HSCB: variants seen among roughly 807,000 people sequenced by gnomAD.
The protein encoded by HSCB is iron-sulfur cluster co-chaperone protein HscB.
Under a neutral mutation model 31.3 loss-of-function variants are expected in HSCB, and 23 were observed. The ratio of observed to expected loss-of-function variants is 0.74; its 90% CI spans 0.53 to 1.04. HSCB has a LOEUF of 1.04. Among genes scored for constraint, HSCB ranks in the 50% least tolerant of loss-of-function variants. The pLI is 0.00. For synonymous variants in HSCB, 110 were observed against 104.5 expected (o/e 1.05, Z -0.32); for missense variants, 297 against 288.1 (o/e 1.03, Z -0.22).
Position 28,745,977 on chromosome 22 carries a change from TG to T in HSCB, c.538del (p.Ala180ProfsTer2). On this transcript the variant is annotated frameshift_variant, in exon 4 of 6. Coordinates refer to ENST00000216027, the MANE Select transcript of HSCB (RefSeq NM_172002.5). LOFTEE classifies it high-confidence loss of function. ...EKLAEAESEAAMKEIESIVKA... is the reference protein window; with the variant it reads ...EKLAEAESEAXMKEIESIVKA... ...AACTCGCAGAAGCTGAAAGTGAAGC[TG>T]CCATGAAAGAGATTGAATCCATTGT... 1 of 1,613,492 alleles carries T rather than the reference TG, an allele frequency of 6.2e-7. No individual in the cohort carries two copies. Among genetic ancestry groups the T allele is most frequent in the Non-Finnish European group, 8.5e-7 (1 of 1,179,844 alleles).
At chr22:28,748,512 GTTGTT>G (rs1293811476) in intron 4 of HSCB, among the ~76,000 whole-genome samples, 2 of 150,512 alleles carry the variant, frequency 1.3e-5, no homozygotes, top group Non-Finnish European at 3.0e-5. Flanking sequence ...GTTTTTTTTT[GTTGTT>G]TTGTTTTGTT....
Position 28,750,203 on chromosome 22 carries a change from C to T in HSCB, c.569-1038C>T, listed in dbSNP as rs542057443. ...GGTGGAGGTTGCAGTGAGCCGAGAT[C>T]GCACCATTGCACTACAGCCTGGGCA... is the stretch of plus-strand genomic sequence containing the variant. On this transcript the variant is annotated intron_variant, in intron 4 of 5. Transcript: ENST00000216027. 8.0e-5 allele frequency among the ~76,000 whole-genome samples: 11 copies of T among 137,172 alleles called. No homozygotes were observed. The South Asian group carries it at 2.5e-3, about 31-fold the overall frequency. 90.0% of individuals were successfully genotyped at this position (137,172 alleles called of 152,430 possible). A position where few individuals can be genotyped will look rare whatever the true frequency, so the allele number is the denominator to read the frequency against.
rs1485321355 is a variant in HSCB at position 28,743,898 on chromosome 22, G to C, written c.253G>C (p.Val85Leu). Residue 85 changes from valine (V) to leucine (L), a missense_variant, in exon 2 of 6, where the codon GTT becomes CTT. Val to Leu is a conservative substitution (Grantham distance 32). Coordinates refer to ENST00000216027, the MANE Select transcript of HSCB (RefSeq NM_172002.5). ...TCCTTCCAGCAACCGTTCCTTCAGA[G>C]TTGATACAGCGAAGCTCCAGCACAG... is the stretch of plus-strand genomic sequence containing the variant. ...SLMDCNRSFR[V>L]DTAKLQHRYQ... 6.2e-7 allele frequency: 1 copy of C among 1,613,948 alleles called. No individual in the cohort carries two copies. Among genetic ancestry groups the C allele is most frequent in the Non-Finnish European group, 8.5e-7 (1 of 1,179,976 alleles).
Position 28,742,180 on chromosome 22 carries a change from G to A in HSCB, c.85G>A (p.Asp29Asn), listed in dbSNP as rs773726014. Residue 29 changes from aspartate to asparagine, a missense_variant, in exon 1 of 6, where the codon GAT becomes AAT. Transcript: ENST00000216027. ...GVPRRRPLSC[D>N]AASQAGSNYP... ...TCCCAGAAGGAGACCGCTAAGCTGC[G>A]ATGCTGCGTCGCAGGCGGGAAGCAA... The A allele has an allele frequency of 6.2e-7, 1 of 1,613,930 alleles. No homozygotes were observed. The highest frequency in any genetic ancestry group is 1.1e-5 in the South Asian group (1 of 91,054).
intron 5 of HSCB, among the ~76,000 whole-genome samples, chr22:28,752,799 G>A (rs1344741999): frequency 1.3e-5 from 2 of 151,932 alleles, no homozygotes; most frequent in African/African-American, 2.4e-5. Flanking sequence ...AGAATTGATT[G>A]GCTAGGCGTG....
intron 5 of HSCB, among the ~76,000 whole-genome samples, chr22:28,756,262 A>T (rs2030591468): frequency 6.6e-6 from 1 of 151,840 alleles, no homozygotes; most frequent in Non-Finnish European, 1.5e-5. Context: ...AAAAAAAAAA[A>T]AAGGAAAATC....
intron 1 of HSCB, among the ~76,000 whole-genome samples, chr22:28,742,887 CT>C (rs1244993986): frequency 6.6e-6 from 1 of 151,924 alleles, no homozygotes; most frequent in African/African-American, 2.4e-5. Flanking sequence ...GTTTTTCCCC[CT>C]GAGACTGAGG....
intron 4 of HSCB, among the ~76,000 whole-genome samples, chr22:28,748,619 TCTC>T (rs1224564095): frequency 1.3e-5 from 2 of 152,158 alleles, no homozygotes; most frequent in African/African-American, 2.4e-5. Flanking sequence ...TTCCAGCTAT[TCTC>T]CTGCCTCTGC....
chr22:28,744,747 C>T, intron 3 of HSCB, 43 bp downstream of exon 3: 1 of 1,442,080 alleles, frequency 6.9e-7, no homozygotes, highest in Non-Finnish European at 9.8e-7. Flanking sequence ...CGTCCTGATG[C>T]CCATTATGGC....
At chr22:28,745,665 T>C in intron 3 of HSCB, 199 bp from the exon 4 acceptor site, 1 of 440,648 alleles carries the variant, frequency 2.3e-6, no homozygotes. Flanking sequence ...CAAGGTCACA[T>C]AGTTTTGGGT....
Position 28,745,907 on chromosome 22 carries a change from A to G in HSCB, c.467A>G (p.Glu156Gly). The G allele has an allele frequency of 6.2e-7, 1 of 1,613,568 alleles. No individual in the cohort carries two copies. The highest frequency in any genetic ancestry group is 1.1e-5 in the South Asian group (1 of 91,004). ...GIEIPERTDY[E>G]MDRQFLIEIM... ...GAGATTCCTGAAAGGACAGATTATG[A>G]AATGGACAGGCAATTCCTCATAGAA... Residue 156 changes from glutamate (E) to glycine (G), a missense_variant, in exon 4 of 6, where the codon GAA becomes GGA. By Grantham distance (98) the Glu-to-Gly change is moderately conservative. Transcript: ENST00000216027.
intron 1 of HSCB, among the ~76,000 whole-genome samples, chr22:28,742,967 G>T (rs1231830900): frequency 6.6e-6 from 1 of 152,130 alleles, no homozygotes; most frequent in African/African-American, 2.4e-5. Flanking sequence ...TCTGGGAGTA[G>T]AATGTGAAAG....
chr22:28,742,157 C>A lies in HSCB; in HGVS notation c.62C>A (p.Pro21His). The change falls in exon 1 of 6, where the codon CCC becomes CAC. Residue 21 changes from proline to histidine, a missense_variant. Transcript: ENST00000216027. ...TGGGGGTTTTGGCCGACAGGGGTTC[C>A]CAGAAGGAGACCGCTAAGCTGCGAT... ...RVWGFWPTGV[P>H]RRRPLSCDAA... is the part of the protein sequence containing the mutation. The A allele has an allele frequency of 6.2e-7, 1 of 1,613,596 alleles. No homozygotes were observed. The highest frequency in any genetic ancestry group is 8.5e-7 in the Non-Finnish European group (1 of 1,179,876).
rs139036633 is a variant in HSCB at position 28,749,062 on chromosome 22, G to A, written c.569-2179G>A. ...AGGCTGAAGCAGAAGGATCACTTGA[G>A]CCCAGGAGGTGGAGACTGCAGTGAA... On this transcript the variant is annotated intron_variant, in intron 4 of 5. Transcript: ENST00000216027. Among the ~76,000 whole-genome samples, 899 of 151,918 alleles carry A rather than the reference G, an allele frequency of 5.9e-3. 9 individuals carry two copies. Among genetic ancestry groups the A allele is most frequent in the African/African-American group, 0.02 (841 of 41,394 alleles).
rs747680567 is a variant in HSCB, at chr22:28,743,916, C to T, written c.271C>T (p.Gln91Ter). 1 of 1,614,188 alleles carries T rather than the reference C, an allele frequency of 6.2e-7. No individual in the cohort carries two copies. Among genetic ancestry groups the T allele is most frequent in the East Asian group, 2.2e-5 (1 of 44,894 alleles). Residue 91 changes from glutamine to a stop codon, truncating the protein, a stop_gained, in exon 2 of 6, where the codon CAG becomes TAG. Coordinates refer to ENST00000216027, the MANE Select transcript of HSCB (RefSeq NM_172002.5). LOFTEE classifies it high-confidence loss of function. ...CTTCAGAGTTGATACAGCGAAGCTCCAGCACAGGTACCAGCAACTGCAGCG... is the reference window on the plus strand; with the variant it reads ...CTTCAGAGTTGATACAGCGAAGCTCTAGCACAGGTACCAGCAACTGCAGCG... ...RSFRVDTAKL[Q>*]HRYQQLQRLV...
rs773484961 is a variant in HSCB at position 28,745,880 on chromosome 22, T to G, written c.440T>G (p.Ile147Arg). The G allele has an allele frequency of 6.2e-7, 1 of 1,612,020 alleles. No homozygotes were observed. Among genetic ancestry groups the G allele is most frequent in the Non-Finnish European group, 8.5e-7 (1 of 1,179,226 alleles). ...RGLYLLKLHG[I>R]EIPERTDYEM... is the part of the protein sequence containing the mutation. ...CCCCAATAGCTAAAGCTCCATGGAA[T>G]AGAGATTCCTGAAAGGACAGATTAT... Residue 147 changes from isoleucine (I) to arginine (R), a missense_variant, in exon 4 of 6, where the codon ATA (isoleucine) becomes AGA (arginine). Transcript: ENST00000216027.
In HSCB at chr22:28,757,348, G is replaced by A. The variant is rs2030674816; in HGVS notation, c.*179G>A. On this transcript the variant is annotated 3_prime_UTR_variant, in exon 6 of 6. Coordinates refer to ENST00000216027, the MANE Select transcript of HSCB (RefSeq NM_172002.5). ...GAAAATACAAAAATTAGCCGGGCAT[G>A]GTGGCGCGTGCCTGTAATCCCAGCT... 2.3e-6 allele frequency: 1 copy of A among 440,926 alleles called. No homozygotes were observed. The highest frequency in any genetic ancestry group is 4.3e-6 in the Non-Finnish European group (1 of 233,422). 27.3% of individuals were successfully genotyped at this position (440,926 alleles called of 1,614,324 possible). A position where few individuals can be genotyped will look rare whatever the true frequency, so the allele number is the denominator to read the frequency against.
In HSCB at chr22:28,756,383, G is replaced by A. The variant is rs117294687; in HGVS notation, c.617-695G>A. Among the ~76,000 whole-genome samples the A allele has an allele frequency of 5.4e-4, 82 of 152,038 alleles. 4 individuals are homozygous for A. The East Asian group carries it at 0.016, about 29-fold the overall frequency. On this transcript the variant is annotated intron_variant, in intron 5 of 5. Coordinates refer to ENST00000216027, the MANE Select transcript of HSCB (RefSeq NM_172002.5). Reference sequence around the variant, plus strand: ...AGGCAGCTCTATGCCTCAGCACCTGGCATAGAGGAAGCATTCAGTGCTTTC... The same window carrying A: ...AGGCAGCTCTATGCCTCAGCACCTGACATAGAGGAAGCATTCAGTGCTTTC...
intron 1 of HSCB, chr22:28,742,683 A>G: frequency 2.8e-6 from 1 of 354,276 alleles, no homozygotes; most frequent in Non-Finnish European, 5.3e-6. Flanking sequence ...AGGAAAGGGT[A>G]CTTGAGGGGC....
Sources: allele counts gnomAD v4.1 joint callset (sites outside exome capture counted in the v4.1 genomes callset), GRCh38; gene constraint gnomAD v4.1.1; transcripts MANE v1.5; gene names NCBI Gene and HGNC (gene_info 2026-07-23, HGNC 2026-07-21).